OSTN: variants seen among roughly 807,000 people sequenced by gnomAD.
OSTN encodes osteocrin.
A neutral mutation model predicts 12.0 loss-of-function variants in OSTN; 9 were observed. The ratio of observed to expected loss-of-function variants is 0.75; its 90% CI spans 0.45 to 1.30. OSTN has a LOEUF of 1.30. Ranked by LOEUF, OSTN falls within the 50% of genes most tolerant of loss-of-function variation. OSTN has a pLI of 0.00. For missense variants in OSTN, 148 were observed against 152.3 expected, an observed-to-expected ratio of 0.97 and a Z score of 0.15; for synonymous variants, 59 against 56.9, an observed-to-expected ratio of 1.04 and a Z score of -0.16.
At chr3:191,210,225 A>G (rs1057032396) in intron 1 of OSTN, among the ~76,000 whole-genome samples, 4 of 152,166 alleles carry the variant, frequency 2.6e-5, no homozygotes, top group Non-Finnish European at 4.4e-5. Context: ...AGAGAACAGC[A>G]CCAAAGGGAA....
intron 2 of OSTN, 47 bp from the exon 3 acceptor site, chr3:191,218,700 G>A: frequency 6.7e-7 from 1 of 1,488,184 alleles, no homozygotes; most frequent in Non-Finnish European, 9.3e-7. Flanking sequence ...TACATACTTG[G>A]AGTCTCTTTG....
chr3:191,221,336 C>T (rs879852478), intron 3 of OSTN, among the ~76,000 whole-genome samples: 1 of 151,960 alleles, frequency 6.6e-6, no homozygotes, highest in Non-Finnish European at 1.5e-5. Flanking sequence ...GTGGAAGCAA[C>T]TTTAGAACTG....
chr3:191,253,191 T>G (rs963132163), intron 4 of OSTN, among the ~76,000 whole-genome samples: 3 of 152,244 alleles, frequency 2.0e-5, no homozygotes, highest in Non-Finnish European at 4.4e-5. Flanking sequence ...AAAATCTTTG[T>G]TTCACTTCTG....
At position 191,212,551 on chromosome 3, in the gene OSTN, G is replaced by C. The variant is rs991696545; in HGVS notation, c.19G>C (p.Ala7Pro). Residue 7 changes from alanine (A) to proline (P), a missense_variant, in exon 2 of 5, where the codon GCA (alanine) becomes CCA (proline). Transcript: ENST00000682035. MLDWRL[A>P]SAHFILAVTL... ...CCCTTAGATGCTGGACTGGAGATTG[G>C]CAAGTGCACATTTCATCCTGGCTGT... 6.3e-7 allele frequency: 1 copy of C among 1,587,524 alleles called. No homozygotes were observed. The highest frequency in any genetic ancestry group is 1.7e-5 in the Admixed American group (1 of 59,172).
Position 191,218,757 on chromosome 3 carries a change from C to G in OSTN, c.113C>G (p.Ser38Cys). Reference protein sequence around the residue: ...VDVTTTEAFDSGVIDVQSTPT... With the variant: ...VDVTTTEAFDCGVIDVQSTPT... ...TTCTCTGCCTTATAGGCCTTTGATT[C>G]TGGAGTCATAGATGTGCAGTCAACA... Residue 38 changes from serine to cysteine, a missense_variant, in exon 3 of 5, where the codon TCT becomes TGT. Transcript: ENST00000682035. 6.2e-7 allele frequency: 1 copy of G among 1,613,746 alleles called. No homozygotes were observed.
intron 4 of OSTN, among the ~76,000 whole-genome samples, chr3:191,251,038 A>T (rs1411526455): frequency 6.6e-6 from 1 of 152,142 alleles, no homozygotes; most frequent in Non-Finnish European, 1.5e-5. Context: ...TCCTTCATTA[A>T]ATTAGAATAA....
At chr3:191,202,854 A>C (rs1341531632) in intron 1 of OSTN, among the ~76,000 whole-genome samples, 1 of 152,230 alleles carries the variant, frequency 6.6e-6, no homozygotes, top group Non-Finnish European at 1.5e-5. Flanking sequence ...TTTCATTAAC[A>C]GAATTGCCTA....
intron 1 of OSTN, among the ~76,000 whole-genome samples, chr3:191,211,930 C>T (rs975308034): frequency 4.0e-5 from 6 of 151,766 alleles, no homozygotes; most frequent in African/African-American, 9.7e-5. Flanking sequence ...ATATATCTTC[C>T]ATTAAGTAAT....
At position 191,263,389 on chromosome 3, in the gene OSTN, T is replaced by C. The variant is rs1472926734; in HGVS notation, c.*536T>C. ...TTTTCATATTCAAGTTTCAGTCATG[T>C]TCAGAAAAATAAAACACAGCCCCAA... On this transcript the variant is annotated 3_prime_UTR_variant, in exon 5 of 5. Coordinates refer to ENST00000682035, the MANE Select transcript of OSTN (RefSeq NM_198184.2). The C allele has an allele frequency of 1.3e-5, 2 of 152,358 alleles. No homozygotes were observed. The highest frequency in any genetic ancestry group is 2.1e-4 in the South Asian group (1 of 4,840). The allele number at this position is 152,358 out of a possible 1,614,324, so 9.4% of individuals were successfully genotyped here.
chr3:191,253,237 T>C (rs1715599470), intron 4 of OSTN, among the ~76,000 whole-genome samples: 1 of 152,254 alleles, frequency 6.6e-6, no homozygotes, highest in African/African-American at 2.4e-5. Flanking sequence ...AGCAGGTTTA[T>C]TTGTGGGTTT....
chr3:191,221,392 T>C (rs1437919919), intron 3 of OSTN, among the ~76,000 whole-genome samples: 1 of 151,884 alleles, frequency 6.6e-6, no homozygotes, highest in Non-Finnish European at 1.5e-5. Flanking sequence ...CAGAAGAAGA[T>C]AGGATAATAT....
intron 3 of OSTN, among the ~76,000 whole-genome samples, chr3:191,249,053 T>G (rs1715501436): frequency 6.6e-6 from 1 of 152,226 alleles, no homozygotes; most frequent in South Asian, 2.1e-4. Flanking sequence ...ATGTCTAATA[T>G]TTTTATAATA....
intron 3 of OSTN, among the ~76,000 whole-genome samples, chr3:191,223,757 G>A (rs1166602740): frequency 6.6e-6 from 1 of 151,564 alleles, no homozygotes; most frequent in Non-Finnish European, 1.5e-5. Flanking sequence ...ATGAAAAAAA[G>A]CACGATAAAA....
At chr3:191,256,965 T>C (rs1277431174) in intron 4 of OSTN, among the ~76,000 whole-genome samples, 1 of 152,036 alleles carries the variant, frequency 6.6e-6, no homozygotes, top group Non-Finnish European at 1.5e-5. Context: ...GAGGACCACT[T>C]TGAGCCCAGA....
chr3:191,210,870 T>C (rs965353917), intron 1 of OSTN, among the ~76,000 whole-genome samples: 3 of 152,232 alleles, frequency 2.0e-5, no homozygotes, highest in African/African-American at 7.2e-5. Context: ...AGTAGAGCAA[T>C]GCCCCATTTT....
At chr3:191,235,612 T>C (rs776873998) in intron 3 of OSTN, among the ~76,000 whole-genome samples, 9 of 152,158 alleles carry the variant, frequency 5.9e-5, no homozygotes, top group Non-Finnish European at 8.8e-5. Flanking sequence ...TTACCTCCAA[T>C]AATACTCCTC....
intron 1 of OSTN, among the ~76,000 whole-genome samples, chr3:191,203,706 T>C (rs2108587410): frequency 6.6e-6 from 1 of 152,078 alleles, no homozygotes; most frequent in South Asian, 2.1e-4. Flanking sequence ...GTTTGGGAGA[T>C]AGAAAAGGGT....
chr3:191,229,027 G>A (rs1310376410), intron 3 of OSTN, among the ~76,000 whole-genome samples: 2 of 99,446 alleles, frequency 2.0e-5, no homozygotes, highest in African/African-American at 7.8e-5. Context: ...AAACAGTCTT[G>A]TCTCTAGATC....
intron 3 of OSTN, among the ~76,000 whole-genome samples, chr3:191,249,041 A>G (rs186003325): frequency 5.3e-5 from 8 of 152,308 alleles, no homozygotes; most frequent in Admixed American, 3.9e-4. Context: ...TAAAATCTGT[A>G]TATGTCTAAT....
Sources: allele counts gnomAD v4.1 joint callset (sites outside exome capture counted in the v4.1 genomes callset), GRCh38; gene constraint gnomAD v4.1.1; transcripts MANE v1.5; gene names NCBI Gene and HGNC (gene_info 2026-07-23, HGNC 2026-07-21).